The following FRMD4B variants were observed in gnomAD, a reference collection of about 807,000 sequenced individuals.
FRMD4B encodes the protein FERM domain-containing protein 4B.
FRMD4B carries 74 observed loss-of-function variants against 141.5 expected under a neutral mutation model. The observed-to-expected ratio is 0.52, with a 90% CI of 0.43 to 0.63. The LOEUF is 0.63. Ranked by LOEUF, FRMD4B falls within the 30% of genes least tolerant of loss-of-function variation. The pLI is 0.00. For synonymous variants in FRMD4B, 506 were observed against 467.9 expected, an observed-to-expected ratio of 1.08 and a Z score of -1.05; for missense variants, 1,366 against 1,253.4, an observed-to-expected ratio of 1.09 and a Z score of -1.36.
chr3:69,449,379 G>A (rs1011726049), intron 1 of FRMD4B, among the ~76,000 whole-genome samples: 2 of 152,176 alleles, frequency 1.3e-5, no homozygotes, highest in African/African-American at 4.8e-5. Flanking sequence ...ACTTTAAAAA[G>A]GAGCTTATTT....
intron 2 of FRMD4B, among the ~76,000 whole-genome samples, chr3:69,427,584 C>T (rs1010331602): frequency 6.1e-5 from 9 of 148,424 alleles, no homozygotes; most frequent in Admixed American, 6.7e-5. Flanking sequence ...TGTTTTTACA[C>T]GTAGCCTTCC....
chr3:69,348,137 A>G (rs1270961028), intron 1 of FRMD4B, among the ~76,000 whole-genome samples: 2 of 152,232 alleles, frequency 1.3e-5, no homozygotes, highest in Non-Finnish European at 2.9e-5. Context: ...GCAATAAAAA[A>G]TGATAAAGGG....
intron 5 of FRMD4B, among the ~76,000 whole-genome samples, chr3:69,279,146 A>G (rs1446404641): frequency 6.6e-6 from 1 of 152,242 alleles, no homozygotes; most frequent in Non-Finnish European, 1.5e-5. Flanking sequence ...TAGGACTTTT[A>G]GGCCACAGGA....
rs554145876 is a variant in FRMD4B, at chr3:69,307,288, C to A, written c.323+3975G>T. Reference sequence around the variant, plus strand: ...CCCAGCGTAGTTTTGAGAAAGAAATCTCAGGGCAGACAACAAGAAGGGTGG... The same window carrying A: ...CCCAGCGTAGTTTTGAGAAAGAAATATCAGGGCAGACAACAAGAAGGGTGG... On this transcript the variant is annotated intron_variant, in intron 3 of 22. Coordinates refer to ENST00000398540, the MANE Select transcript of FRMD4B (RefSeq NM_015123.3). Among the ~76,000 whole-genome samples the A allele has an allele frequency of 2.6e-5, 4 of 152,248 alleles. No individual in the cohort carries two copies. In the South Asian group the frequency reaches 8.3e-4, roughly 32 times the overall value.
intron 4 of FRMD4B, among the ~76,000 whole-genome samples, chr3:69,288,277 G>A (rs1329515533): frequency 1.3e-5 from 2 of 152,236 alleles, no homozygotes; most frequent in East Asian, 3.9e-4. Flanking sequence ...GGGGTTTTTA[G>A]ACGGAGGGGC....
Position 69,170,352 on chromosome 3 carries a change from G to A in FRMD4B, c.*1509C>T, listed in dbSNP as rs1401102064. ...GAACAATAAAAGAATATGCAAAAAGGTTATTTCTGATTCTAGAAGGCTATA... is the reference window on the plus strand; with the variant it reads ...GAACAATAAAAGAATATGCAAAAAGATTATTTCTGATTCTAGAAGGCTATA... On this transcript the variant is annotated 3_prime_UTR_variant, in exon 23 of 23. Transcript: ENST00000398540. 1 of 151,960 alleles carries A rather than the reference G, an allele frequency of 6.6e-6. No individual in the cohort carries two copies. Among genetic ancestry groups the A allele is most frequent in the Non-Finnish European group, 1.5e-5 (1 of 67,992 alleles). The allele number at this position is 151,960 out of a possible 1,614,324, so 9.4% of individuals were successfully genotyped here.
At chr3:69,430,210 C>G (rs1385168168) in intron 2 of FRMD4B, among the ~76,000 whole-genome samples, 1 of 152,208 alleles carries the variant, frequency 6.6e-6, no homozygotes. Flanking sequence ...TTGACAATTC[C>G]ACCATAGTGG....
intron 1 of FRMD4B, among the ~76,000 whole-genome samples, chr3:69,529,289 T>C (rs918562449): frequency 1.3e-5 from 2 of 152,208 alleles, no homozygotes; most frequent in Admixed American, 1.3e-4. Flanking sequence ...TAATTGCTGT[T>C]GATTGATTCA....
chr3:69,371,858 C>T (rs28433425), intron 1 of FRMD4B, among the ~76,000 whole-genome samples: 50 of 152,206 alleles, frequency 3.3e-4, no homozygotes, highest in Middle Eastern at 3.4e-3. Flanking sequence ...CTCGACCAGG[C>T]CTAGAATGTA....
intron 1 of FRMD4B, among the ~76,000 whole-genome samples, chr3:69,443,026 C>T (rs1559528808): frequency 1.3e-5 from 2 of 152,262 alleles, no homozygotes; most frequent in East Asian, 3.9e-4. Context: ...CCCCTTTCAA[C>T]CACATCTGAG....
At chr3:69,525,786 G>T (rs1359003884) in intron 1 of FRMD4B, among the ~76,000 whole-genome samples, 2 of 151,842 alleles carry the variant, frequency 1.3e-5, no homozygotes, top group African/African-American at 4.8e-5. Flanking sequence ...CTGAGTAGCT[G>T]GGACTACAGA....
At chr3:69,207,938 G>T (rs2093039974) in intron 11 of FRMD4B, among the ~76,000 whole-genome samples, 1 of 152,172 alleles carries the variant, frequency 6.6e-6, no homozygotes, top group African/African-American at 2.4e-5. Flanking sequence ...GGTGTGCAGT[G>T]GCGCCATCTT....
chr3:69,496,637 AAGAGAGAGAGAGAG>A (rs1169584495), intron 1 of FRMD4B, among the ~76,000 whole-genome samples: 41 of 56,516 alleles, frequency 7.3e-4, no homozygotes, highest in South Asian at 4.0e-3. Context: ...GAGAGAGAGA[AAGAGAGAGAGAGAG>A]AGAGAGAGAG....
intron 16 of FRMD4B, among the ~76,000 whole-genome samples, chr3:69,194,486 T>C (rs1050195087): frequency 1.3e-5 from 2 of 152,230 alleles, no homozygotes; most frequent in African/African-American, 2.4e-5. Flanking sequence ...ACAAGAAACA[T>C]AGATATGGTT....
chr3:69,181,706 C>A lies in FRMD4B; in HGVS notation c.2044G>T (p.Glu682Ter). 2 of 1,605,668 alleles carry A rather than the reference C, an allele frequency of 1.2e-6. No individual in the cohort carries two copies. The highest frequency in any genetic ancestry group is 1.1e-5 in the South Asian group (1 of 90,454). The change falls in exon 21 of 23, where the codon GAA (glutamate) becomes TAA (stop). Residue 682 changes from glutamate to a stop codon, truncating the protein, a stop_gained. Coordinates refer to ENST00000398540, the MANE Select transcript of FRMD4B (RefSeq NM_015123.3). LOFTEE classifies it high-confidence loss of function. The part of the protein sequence containing the change: ...NAYSSSHLEP[E>*]SSSQHCRQRS... Reference sequence around the variant, plus strand: ...TGGCGGCAGTGCTGAGATGAAGATTCGGGTCTGAAAGAGGAGAAAGGCAAA... The same window carrying A: ...TGGCGGCAGTGCTGAGATGAAGATTAGGGTCTGAAAGAGGAGAAAGGCAAA...
intron 2 of FRMD4B, among the ~76,000 whole-genome samples, chr3:69,412,840 CTTTTTTTTTTTTTTT>C (rs869150440): frequency 1.1e-4 from 6 of 54,272 alleles, no homozygotes; most frequent in Admixed American, 2.5e-4. Flanking sequence ...AGAAGCTCCA[CTTTTTTTTTTTTTTT>C]TTTTTTTTTT....
intron 1 of FRMD4B, among the ~76,000 whole-genome samples, chr3:69,367,952 T>G (rs1215327669): frequency 6.6e-6 from 1 of 152,232 alleles, no homozygotes; most frequent in Non-Finnish European, 1.5e-5. Flanking sequence ...AATATCCATT[T>G]CCTCTCATTC....
At chr3:69,204,192 T>A (rs760174294) in intron 11 of FRMD4B, among the ~76,000 whole-genome samples, 1 of 152,006 alleles carries the variant, frequency 6.6e-6, no homozygotes, top group Non-Finnish European at 1.5e-5. Flanking sequence ...TGTACAAAAA[T>A]GCTGAGAAGT....
intron 7 of FRMD4B, among the ~76,000 whole-genome samples, chr3:69,245,669 T>C (rs990486952): frequency 1.0e-4 from 15 of 147,288 alleles, no homozygotes; most frequent in African/African-American, 2.2e-4. Flanking sequence ...CTTTTCTTTT[T>C]TTTTTTTTTT....
Sources: gnomAD v4.1 joint callset for allele counts (sites outside exome capture counted in the v4.1 genomes callset) on GRCh38, gnomAD v4.1.1 for gene constraint, MANE v1.5 for transcripts, NCBI Gene and HGNC (gene_info 2026-07-23, HGNC 2026-07-21) for gene names.